MAGEC3: variants seen among roughly 807,000 people sequenced by gnomAD.
MAGEC3 encodes the protein melanoma-associated antigen C3.
Under a neutral mutation model 35.3 loss-of-function variants are expected in MAGEC3, and 34 were observed. The observed-to-expected ratio is 0.96, with a 90% CI of 0.73 to 1.28. MAGEC3 has a LOEUF of 1.28. Ranked by LOEUF, MAGEC3 falls within the 50% of genes most tolerant of loss-of-function variation. The pLI is 0.00. For missense variants in MAGEC3, 561 were observed against 483.6 expected (o/e 1.16, Z -1.50); for synonymous variants, 202 against 185.6 (o/e 1.09, Z -0.72).
At chrX:141,875,242 A>C (rs1428004516) in intron 2 of MAGEC3, among the ~76,000 whole-genome samples, 1 of 111,534 alleles carries the variant, frequency 9.0e-6, no homozygotes, top group African/African-American at 3.3e-5. Context: ...CTGCTGTTGG[A>C]TTTGATAAAA....
At chrX:141,860,397 C>CA (rs1231260977) in intron 1 of MAGEC3, among the ~76,000 whole-genome samples, 1 of 112,008 alleles carries the variant, frequency 8.9e-6, no homozygotes, top group East Asian at 2.8e-4. Context: ...AATGGTTTCA[C>CA]AAAAAATTAA....
At chrX:141,850,779 A>G (rs966367418) in intron 1 of MAGEC3, among the ~76,000 whole-genome samples, 3 of 111,600 alleles carry the variant, frequency 2.7e-5, no homozygotes. Flanking sequence ...ATAGACTTTA[A>G]AGAAGATAAA....
At chrX:141,856,093 T>A (rs2017778764) in intron 1 of MAGEC3, among the ~76,000 whole-genome samples, 1 of 111,912 alleles carries the variant, frequency 8.9e-6, no homozygotes, top group Non-Finnish European at 1.9e-5. Context: ...CTGAGACATG[T>A]ACCCATCATC....
At chrX:141,855,947 T>G (rs2017777948) in intron 1 of MAGEC3, among the ~76,000 whole-genome samples, 1 of 111,651 alleles carries the variant, frequency 9.0e-6, no homozygotes, top group African/African-American at 3.3e-5. Flanking sequence ...CATCAATGGA[T>G]GGCTTTTAAA....
At position 141,853,939 on chromosome X, in the gene MAGEC3, T is replaced by G. The variant is rs531072491; in HGVS notation, c.124-11532T>G. Among the ~76,000 whole-genome samples the G allele has an allele frequency of 3.8e-4, 42 of 111,634 alleles. No homozygotes were observed. The South Asian group carries it at 0.015, about 40-fold the overall frequency. ...CCAACTTATATTACCATCACACTCT[T>G]ATCCCACAATAAGGATGTATGTGAC... is the stretch of plus-strand genomic sequence containing the variant. On this transcript the variant is annotated intron_variant, in intron 1 of 7. Coordinates refer to ENST00000298296, the MANE Select transcript of MAGEC3 (RefSeq NM_138702.1).
At chrX:141,895,809 C>T (rs1462338668) in intron 6 of MAGEC3, among the ~76,000 whole-genome samples, 1 of 110,389 alleles carries the variant, frequency 9.1e-6, no homozygotes, top group Non-Finnish European at 1.9e-5. Flanking sequence ...GGAGAGTTGC[C>T]TCCAGTTGGC....
intron 1 of MAGEC3, among the ~76,000 whole-genome samples, chrX:141,842,753 G>A (rs887991876): frequency 1.8e-5 from 2 of 111,356 alleles, no homozygotes; most frequent in African/African-American, 3.3e-5. Flanking sequence ...TGGCAGACCC[G>A]GGAATGAAAC....
chrX:141,847,781 A>G (rs753095777), intron 1 of MAGEC3, among the ~76,000 whole-genome samples: 3 of 111,350 alleles, frequency 2.7e-5, no homozygotes, highest in Non-Finnish European at 1.9e-5. Context: ...TAAGTAAATT[A>G]ATCTCAACTT....
chrX:141,844,587 C>T (rs2017705506), intron 1 of MAGEC3, among the ~76,000 whole-genome samples: 1 of 111,000 alleles, frequency 9.0e-6, no homozygotes, highest in Non-Finnish European at 1.9e-5. Flanking sequence ...ATTTCCTTGA[C>T]TCCTATTTTC....
chrX:141,849,895 T>G (rs764685730), intron 1 of MAGEC3, among the ~76,000 whole-genome samples: 1 of 111,261 alleles, frequency 9.0e-6, no homozygotes, highest in East Asian at 2.9e-4. Flanking sequence ...GGAATAGAAA[T>G]TATTCTACCA....
chrX:141,855,582 A>C (rs1179686674), intron 1 of MAGEC3, among the ~76,000 whole-genome samples: 1 of 111,260 alleles, frequency 9.0e-6, no homozygotes, highest in Non-Finnish European at 1.9e-5. Context: ...AAAAATCAAT[A>C]CCTAACTGAA....
At chrX:141,879,625 G>T (rs2017947236) in intron 3 of MAGEC3, among the ~76,000 whole-genome samples, 194 bp downstream of exon 3, 1 of 110,106 alleles carries the variant, frequency 9.1e-6, no homozygotes, top group Non-Finnish European at 1.9e-5. Context: ...AGGTAGAGAG[G>T]TGAGGGGTGG....
intron 2 of MAGEC3, among the ~76,000 whole-genome samples, chrX:141,866,859 A>G (rs1473556313): frequency 8.9e-6 from 1 of 112,272 alleles, no homozygotes; most frequent in Non-Finnish European, 1.9e-5. Context: ...TTTAACACAC[A>G]CACACAATAA....
Position 141,855,664 on chromosome X carries a change from G to A in MAGEC3, c.124-9807G>A, listed in dbSNP as rs141958951. Among the ~76,000 whole-genome samples the A allele has an allele frequency of 2.3e-4, 26 of 111,510 alleles. 1 individual carries two copies. The highest frequency in any genetic ancestry group is 3.7e-4 in the South Asian group (1 of 2,710). On this transcript the variant is annotated intron_variant, in intron 1 of 7. Coordinates refer to ENST00000298296, the MANE Select transcript of MAGEC3 (RefSeq NM_138702.1). Reference sequence around the variant, plus strand: ...TTAAGAAGGTTCCATTTTTAACCACGTGCAGGTTCAAAATGTAAGTAGCAA... The same window carrying A: ...TTAAGAAGGTTCCATTTTTAACCACATGCAGGTTCAAAATGTAAGTAGCAA...
rs2017940588 is a variant in MAGEC3, at chrX:141,879,188, T to C, written c.272T>C (p.Leu91Pro). ...GCCTGCTGCCAGCTCTGGAGGACCCTATCAGGGTCCCCAGGTTTACAACTT... is the reference window on the plus strand; with the variant it reads ...GCCTGCTGCCAGCTCTGGAGGACCCCATCAGGGTCCCCAGGTTTACAACTT... ...CPTYFKLWRT[L>P]SGSPGLQLSD... Residue 91 changes from leucine (L) to proline (P), a missense_variant, in exon 3 of 8, where the codon CTA becomes CCA. Transcript: ENST00000298296. 2 of 1,187,842 alleles carry C rather than the reference T, an allele frequency of 1.7e-6. No individual in the cohort carries two copies. Among genetic ancestry groups the C allele is most frequent in the Non-Finnish European group, 1.1e-6 (1 of 883,367 alleles).
At chrX:141,885,210 T>G (rs2124120277) in intron 4 of MAGEC3, among the ~76,000 whole-genome samples, 1 of 111,317 alleles carries the variant, frequency 9.0e-6, no homozygotes, top group Non-Finnish European at 1.9e-5. Flanking sequence ...CTGCTTGAGT[T>G]TTTTAATTTA....
At chrX:141,846,657 T>A (rs1402709858) in intron 1 of MAGEC3, among the ~76,000 whole-genome samples, 1 of 111,375 alleles carries the variant, frequency 9.0e-6, no homozygotes, top group Non-Finnish European at 1.9e-5. Flanking sequence ...ACTTTTACAG[T>A]ATGTTAATTC....
At chrX:141,852,212 T>TA (rs751774261) in intron 1 of MAGEC3, among the ~76,000 whole-genome samples, 14 of 110,108 alleles carry the variant, frequency 1.3e-4, no homozygotes, top group African/African-American at 4.3e-4. Flanking sequence ...TAAATGGAAT[T>TA]ATCTTAATTT....
At chrX:141,846,469 G>T (rs12560038) in intron 1 of MAGEC3, among the ~76,000 whole-genome samples, 1 of 109,247 alleles carries the variant, frequency 9.2e-6, no homozygotes, top group Non-Finnish European at 1.9e-5. Context: ...CCTCCTTAAG[G>T]GATCCTAACA....
Sources: gnomAD v4.1 joint callset for allele counts (sites outside exome capture counted in the v4.1 genomes callset) on GRCh38, gnomAD v4.1.1 for gene constraint, MANE v1.5 for transcripts, NCBI Gene and HGNC (gene_info 2026-07-23, HGNC 2026-07-21) for gene names.